PLEKHA5: variants seen among roughly 807,000 people sequenced by gnomAD.
PLEKHA5 encodes the protein pleckstrin homology domain containing A5.
A neutral mutation model predicts 181.9 loss-of-function variants in PLEKHA5; 55 were observed. The ratio of observed to expected loss-of-function variants is 0.30; its 90% CI spans 0.24 to 0.38. The LOEUF is 0.38. PLEKHA5 is among the 10% of genes least tolerant of loss of function. The pLI, the probability that PLEKHA5 is intolerant of heterozygous loss-of-function variation, is 1.00. For missense variants in PLEKHA5, 1,432 were observed against 1,549.5 expected (o/e 0.92, Z 1.27); for synonymous variants, 535 against 529.4 (o/e 1.01, Z -0.15).
intron 3 of PLEKHA5, among the ~76,000 whole-genome samples, chr12:19,232,874 G>T (rs368756870): frequency 6.6e-6 from 1 of 152,248 alleles, no homozygotes; most frequent in East Asian, 1.9e-4. Flanking sequence ...GTGTTTAGAA[G>T]TTGTTGGCCC....
chr12:19,366,160 C>G, intron 30 of PLEKHA5, 51 bp downstream of exon 30: 4 of 1,437,880 alleles, frequency 2.8e-6, no homozygotes, highest in Non-Finnish European at 3.8e-6. Context: ...CTCTGAACTT[C>G]TAAATTTATT....
intron 15 of PLEKHA5, among the ~76,000 whole-genome samples, chr12:19,302,905 AATTTTTTTTTT>A (rs1201050504): frequency 1.7e-3 from 182 of 106,616 alleles, no homozygotes; most frequent in Middle Eastern, 6.2e-3. Flanking sequence ...TTCTGTATGA[AATTTTTTTTTT>A]TTTTTTTTTT....
chr12:19,264,912 A>C (rs1477682022), intron 7 of PLEKHA5, among the ~76,000 whole-genome samples: 1 of 152,184 alleles, frequency 6.6e-6, no homozygotes, highest in African/African-American at 2.4e-5. Context: ...ATAACAATGA[A>C]GTACATATTT....
intron 20 of PLEKHA5, among the ~76,000 whole-genome samples, chr12:19,336,015 C>T (rs558295132): frequency 6.6e-6 from 1 of 152,248 alleles, no homozygotes; most frequent in South Asian, 2.1e-4. Context: ...AAAATCTTCT[C>T]TGTGATATTA....
chr12:19,129,956 C>T (rs1046320357), intron 1 of PLEKHA5, 68 bp downstream of exon 1: 30 of 1,480,980 alleles, frequency 2.0e-5, no homozygotes, highest in Non-Finnish European at 2.5e-5. Flanking sequence ...GCTGGCGACA[C>T]GGGGGAGAGC....
chr12:19,313,455 T>C (rs1425616528), intron 15 of PLEKHA5, among the ~76,000 whole-genome samples: 2 of 152,192 alleles, frequency 1.3e-5, no homozygotes, highest in Non-Finnish European at 2.9e-5. Flanking sequence ...ATTTATTAAT[T>C]AATCAGGTTG....
intron 21 of PLEKHA5, among the ~76,000 whole-genome samples, chr12:19,339,764 A>G (rs1242215799): frequency 1.3e-5 from 2 of 152,328 alleles, no homozygotes; most frequent in Middle Eastern, 3.4e-3. Flanking sequence ...GACCAGTTAC[A>G]TAACAACTCT....
chr12:19,303,244 CA>C (rs1331296172), intron 15 of PLEKHA5, among the ~76,000 whole-genome samples: 1 of 151,938 alleles, frequency 6.6e-6, no homozygotes, highest in African/African-American at 2.4e-5. Context: ...GCAATTAAGC[CA>C]CTGCTTAATC....
intron 3 of PLEKHA5, among the ~76,000 whole-genome samples, chr12:19,164,191 G>GTTTTTT (rs199683682): frequency 1.8e-4 from 21 of 119,234 alleles, no homozygotes; most frequent in Admixed American, 4.3e-4. Context: ...CTCTCCAGAT[G>GTTTTTT]TTTTTGTTTT....
At chr12:19,164,919 A>T (rs1375143811) in intron 3 of PLEKHA5, among the ~76,000 whole-genome samples, 1 of 151,984 alleles carries the variant, frequency 6.6e-6, no homozygotes, top group East Asian at 1.9e-4. Flanking sequence ...AAGTAAACAC[A>T]TTCTTCCTCC....
At chr12:19,145,561 T>C (rs1255573015) in intron 3 of PLEKHA5, among the ~76,000 whole-genome samples, 2 of 152,186 alleles carry the variant, frequency 1.3e-5, no homozygotes, top group African/African-American at 4.8e-5. Flanking sequence ...TTAATAAATA[T>C]CTTAGGTCTT....
chr12:19,311,602 T>G (rs1370036439), intron 15 of PLEKHA5, among the ~76,000 whole-genome samples: 1 of 152,190 alleles, frequency 6.6e-6, no homozygotes, highest in African/African-American at 2.4e-5. Context: ...ACTACTTTCT[T>G]TGCTCATCCA....
chr12:19,132,171 G>A (rs2034103403), intron 2 of PLEKHA5, among the ~76,000 whole-genome samples: 1 of 152,116 alleles, frequency 6.6e-6, no homozygotes, highest in Admixed American at 6.5e-5. Flanking sequence ...GTGTGCTCAG[G>A]TCAGATAATC....
chr12:19,281,212 G>C (rs2076052584), intron 11 of PLEKHA5, among the ~76,000 whole-genome samples: 1 of 149,236 alleles, frequency 6.7e-6, no homozygotes, highest in Admixed American at 6.7e-5. Context: ...GGGTGACAGA[G>C]TGAGAATCCA....
At chr12:19,145,837 G>C (rs1172332363) in intron 3 of PLEKHA5, among the ~76,000 whole-genome samples, 1 of 152,110 alleles carries the variant, frequency 6.6e-6, no homozygotes, top group African/African-American at 2.4e-5. Flanking sequence ...TTGAGCTTTG[G>C]TAAGTTGTAG....
chr12:19,321,360 C>CTTTTTTTTTTTT (rs1158507411), intron 18 of PLEKHA5, among the ~76,000 whole-genome samples: 1 of 24,206 alleles, frequency 4.1e-5, no homozygotes, highest in African/African-American at 1.0e-4. Context: ...CTTTTCTTTT[C>CTTTTTTTTTTTT]TTTTTTTTTT....
At chr12:19,204,032 C>T (rs2054814866) in intron 3 of PLEKHA5, among the ~76,000 whole-genome samples, 1 of 151,934 alleles carries the variant, frequency 6.6e-6, no homozygotes, top group African/African-American at 2.4e-5. Flanking sequence ...CTTTTGATAA[C>T]CTTGTCCCAG....
At chr12:19,178,155 G>A (rs748008691) in intron 3 of PLEKHA5, among the ~76,000 whole-genome samples, 2 of 152,106 alleles carry the variant, frequency 1.3e-5, no homozygotes, top group Non-Finnish European at 2.9e-5. Flanking sequence ...CCAGTGTGCT[G>A]CCCAAGTATT....
At chr12:19,321,867 T>A (rs995818897) in intron 18 of PLEKHA5, among the ~76,000 whole-genome samples, 19 of 152,192 alleles carry the variant, frequency 1.2e-4, no homozygotes, top group African/African-American at 4.6e-4. Flanking sequence ...ACATTAAAAC[T>A]GGTTTATTGT....
Sources: gnomAD v4.1 joint callset for allele counts (sites outside exome capture counted in the v4.1 genomes callset) on GRCh38, gnomAD v4.1.1 for gene constraint, MANE v1.5 for transcripts, NCBI Gene and HGNC (gene_info 2026-07-23, HGNC 2026-07-21) for gene names.